The following FAM178B variants were observed in gnomAD, a reference collection of about 807,000 sequenced individuals.
The protein encoded by FAM178B is protein FAM178B.
A neutral mutation model predicts 91.7 loss-of-function variants in FAM178B; 82 were observed. That is an observed-to-expected ratio of 0.89 (90% CI 0.75 to 1.07). The LOEUF (loss-of-function observed/expected upper bound fraction) is 1.07. Ranked by LOEUF, FAM178B falls within the 50% of genes least tolerant of loss-of-function variation. The pLI is 0.00. For synonymous variants in FAM178B, 368 were observed against 359.4 expected (o/e 1.02, Z -0.27); for missense variants, 769 against 846.7 (o/e 0.91, Z 1.14).
At chr2:96,877,476 T>C (rs550882939) in intron 16 of FAM178B, among the ~76,000 whole-genome samples, 3 of 152,136 alleles carry the variant, frequency 2.0e-5, no homozygotes, top group South Asian at 4.2e-4. Flanking sequence ...GATCTGGGCT[T>C]ACTGCAACCT....
intron 12 of FAM178B, among the ~76,000 whole-genome samples, chr2:96,917,843 G>A (rs749723992): frequency 1.1e-4 from 17 of 152,142 alleles, no homozygotes; most frequent in South Asian, 2.1e-4. Flanking sequence ...GTGACAGAGT[G>A]AGACCCTCTC....
chr2:96,909,810 G>A (rs527505865), intron 12 of FAM178B, among the ~76,000 whole-genome samples: 1 of 152,284 alleles, frequency 6.6e-6, no homozygotes, highest in African/African-American at 2.4e-5. Flanking sequence ...TTGTATTCAT[G>A]TCATCTGTGA....
At chr2:96,890,341 C>T (rs531857502) in intron 14 of FAM178B, among the ~76,000 whole-genome samples, 13 of 152,174 alleles carry the variant, frequency 8.5e-5, no homozygotes, top group Non-Finnish European at 1.9e-4. Flanking sequence ...GTAGCATGTG[C>T]CTGTCCCAGC....
At chr2:96,926,248 G>C (rs1232550067) in intron 9 of FAM178B, among the ~76,000 whole-genome samples, 2 of 152,178 alleles carry the variant, frequency 1.3e-5, no homozygotes, top group African/African-American at 4.8e-5. Context: ...GTTGCAGTGA[G>C]CCGAGATGGC....
At chr2:96,947,652 T>C (rs1351574328) in intron 8 of FAM178B, among the ~76,000 whole-genome samples, 166 bp downstream of exon 8, 4 of 152,148 alleles carry the variant, frequency 2.6e-5, no homozygotes, top group Admixed American at 2.6e-4. Context: ...GGTTCAGCTT[T>C]TTACTAATGC....
chr2:96,937,774 C>T (rs1361671886), intron 8 of FAM178B, among the ~76,000 whole-genome samples: 1 of 152,126 alleles, frequency 6.6e-6, no homozygotes, highest in Non-Finnish European at 1.5e-5. Context: ...ATCTATAATC[C>T]CCACAAGTTG....
At chr2:96,950,968 G>A (rs1249625685) in intron 7 of FAM178B, among the ~76,000 whole-genome samples, 3 of 152,150 alleles carry the variant, frequency 2.0e-5, no homozygotes, top group Non-Finnish European at 4.4e-5. Flanking sequence ...ACCTGTGATC[G>A]CTGGTGAAGA....
intron 8 of FAM178B, among the ~76,000 whole-genome samples, chr2:96,936,005 T>C (rs970942043): frequency 2.1e-4 from 32 of 151,998 alleles, no homozygotes; most frequent in Admixed American, 7.9e-4. Context: ...TAATAATGTA[T>C]TGATATTGTA....
At chr2:96,941,592 G>A (rs1574280489) in intron 8 of FAM178B, among the ~76,000 whole-genome samples, 1 of 152,312 alleles carries the variant, frequency 6.6e-6, no homozygotes, top group Non-Finnish European at 1.5e-5. Flanking sequence ...GCTCAAGAAC[G>A]TGAAATGAAT....
chr2:96,957,008 T>C (rs1358252700), intron 6 of FAM178B, among the ~76,000 whole-genome samples: 2 of 146,726 alleles, frequency 1.4e-5, no homozygotes, highest in African/African-American at 5.1e-5. Flanking sequence ...ACAGGTGTGC[T>C]ATCACCCATG....
At chr2:96,954,631 A>T (rs2081973148) in intron 6 of FAM178B, among the ~76,000 whole-genome samples, 1 of 152,258 alleles carries the variant, frequency 6.6e-6, no homozygotes, top group South Asian at 2.1e-4. Flanking sequence ...AGTTATTTAT[A>T]CGTATCAGCT....
At chr2:96,947,710 A>G (rs1008517721) in intron 8 of FAM178B, 108 bp downstream of exon 8, 28 of 650,438 alleles carry the variant, frequency 4.3e-5, no homozygotes, top group Non-Finnish European at 6.3e-5. Flanking sequence ...CCTGGATGCA[A>G]TGTCCCACCA....
At chr2:96,901,803 A>G (rs2080938252) in intron 13 of FAM178B, among the ~76,000 whole-genome samples, 1 of 152,130 alleles carries the variant, frequency 6.6e-6, no homozygotes, top group African/African-American at 2.4e-5. Context: ...CACTATGCTT[A>G]AGAATGGTTA....
chr2:96,927,824 C>A (rs1351809094), intron 9 of FAM178B, among the ~76,000 whole-genome samples: 2 of 152,214 alleles, frequency 1.3e-5, no homozygotes, highest in Admixed American at 6.5e-5. Flanking sequence ...GGACACTCAT[C>A]ACAGCAGTCA....
At chr2:96,982,976 C>T (rs763767267) in intron 1 of FAM178B, among the ~76,000 whole-genome samples, 42 of 151,640 alleles carry the variant, frequency 2.8e-4, no homozygotes, top group South Asian at 2.1e-4. Context: ...GCTCTTGAGC[C>T]GAAGCAATCC....
intron 6 of FAM178B, among the ~76,000 whole-genome samples, chr2:96,957,639 C>T (rs964456067): frequency 2.0e-5 from 3 of 152,206 alleles, no homozygotes; most frequent in Admixed American, 6.6e-5. Flanking sequence ...AACCTGCTGT[C>T]GGCACAAACT....
intron 1 of FAM178B, chr2:96,977,860 G>A (rs1350369674): frequency 9.1e-6 from 4 of 437,826 alleles, no homozygotes; most frequent in Non-Finnish European, 1.3e-5. Context: ...TGCTGTTCCA[G>A]TTTTGGCTGC....
intron 14 of FAM178B, among the ~76,000 whole-genome samples, chr2:96,881,592 AGTCGT>A (rs1559046955): frequency 6.6e-6 from 1 of 151,874 alleles, no homozygotes; most frequent in South Asian, 2.1e-4. Flanking sequence ...TCCTAGAAGG[AGTCGT>A]GGGGAGGGTC....
At position 96,978,785 on chromosome 2, in the gene FAM178B, C is replaced by T. The variant is rs1232064135; in HGVS notation, c.74-6179G>A. On this transcript the variant is annotated intron_variant, in intron 1 of 16. Coordinates refer to ENST00000490605, the MANE Select transcript of FAM178B (RefSeq NM_001122646.3). ...AATTACAGGCGCCCGCCACCACGCC[C>T]GGCTAATTTTTTCGTATTTTTAGCA... Among the ~76,000 whole-genome samples, 18 of 151,612 alleles carry T rather than the reference C, an allele frequency of 1.2e-4. No homozygotes were observed. The East Asian group carries it at 1.4e-3, about 11-fold the overall frequency.
Sources: gnomAD v4.1 joint callset for allele counts (sites outside exome capture counted in the v4.1 genomes callset) on GRCh38, gnomAD v4.1.1 for gene constraint, MANE v1.5 for transcripts, NCBI Gene and HGNC (gene_info 2026-07-23, HGNC 2026-07-21) for gene names.